The following TENM4 variants were observed in gnomAD, a reference collection of about 807,000 sequenced individuals.
TENM4 encodes teneurin transmembrane protein 4.
Under a neutral mutation model 243.3 loss-of-function variants are expected in TENM4, and 82 were observed. The ratio of observed to expected loss-of-function variants is 0.34; its 90% CI spans 0.28 to 0.40. TENM4 has a LOEUF of 0.40. TENM4 is among the 10% of genes least tolerant of loss of function. TENM4 has a pLI of 1.00. For missense variants in TENM4, 3,138 were observed against 3,673.3 expected, an observed-to-expected ratio of 0.85 and a Z score of 3.77; for synonymous variants, 1,412 against 1,456.3, an observed-to-expected ratio of 0.97 and a Z score of 0.69.
intron 1 of TENM4, among the ~76,000 whole-genome samples, chr11:79,359,184 T>C (rs1252164372): frequency 6.6e-6 from 1 of 152,140 alleles, no homozygotes; most frequent in Admixed American, 6.5e-5. Flanking sequence ...GAGGATTCTT[T>C]GAACTTAGGA....
At chr11:78,806,526 G>A (rs1258372530) in intron 14 of TENM4, among the ~76,000 whole-genome samples, 1 of 152,150 alleles carries the variant, frequency 6.6e-6, no homozygotes, top group Non-Finnish European at 1.5e-5. Flanking sequence ...TATCTGCTCT[G>A]TGCTTACATG....
intron 1 of TENM4, among the ~76,000 whole-genome samples, chr11:79,428,332 A>G (rs1423398872): frequency 1.3e-5 from 2 of 152,246 alleles, no homozygotes; most frequent in African/African-American, 4.8e-5. Flanking sequence ...TCAACCAAAA[A>G]TTTATTGTCT....
chr11:78,805,443 G>C lies in TENM4; in HGVS notation c.2028C>G (p.Gly676=). The change falls in exon 15 of 34, where the codon GGC becomes GGG. Residue 676 remains glycine (G), a synonymous_variant. Coordinates refer to ENST00000278550, the MANE Select transcript of TENM4 (RefSeq NM_001098816.3). ...TCSGRGVCVR[G]ECHCSVGWGG... ...CCCATCCCACAGAGCAGTGGCATTCGCCTCTCACGCAGACACCCCGGCCTG... is the reference window on the plus strand; with the variant it reads ...CCCATCCCACAGAGCAGTGGCATTCCCCTCTCACGCAGACACCCCGGCCTG... The C allele has an allele frequency of 6.3e-7, 1 of 1,597,722 alleles. No individual in the cohort carries two copies. Among genetic ancestry groups the C allele is most frequent in the Non-Finnish European group, 8.5e-7 (1 of 1,171,968 alleles).
chr11:79,085,216 C>CA (rs201169498), intron 4 of TENM4, among the ~76,000 whole-genome samples: 1,726 of 143,946 alleles, frequency 0.012, 30 homozygotes, highest in African/African-American at 0.039. Context: ...ACTAAAAATA[C>CA]AAAAAAAAAA....
At chr11:78,754,297 T>G (rs1856255348) in intron 19 of TENM4, among the ~76,000 whole-genome samples, 1 of 152,176 alleles carries the variant, frequency 6.6e-6, no homozygotes, top group African/African-American at 2.4e-5. Context: ...CAGCACAGGC[T>G]TCTCAAACTC....
intron 4 of TENM4, among the ~76,000 whole-genome samples, chr11:79,104,313 A>G (rs1043448061): frequency 6.6e-6 from 1 of 152,242 alleles, no homozygotes; most frequent in African/African-American, 2.4e-5. Context: ...TACAGAAAAG[A>G]ATAAAGAAAA....
intron 15 of TENM4, among the ~76,000 whole-genome samples, chr11:78,795,581 TA>T (rs1857144099): frequency 6.6e-6 from 1 of 152,168 alleles, no homozygotes; most frequent in Non-Finnish European, 1.5e-5. Context: ...CAGATAGGCC[TA>T]GGGGCTGAGG....
intron 30 of TENM4, among the ~76,000 whole-genome samples, chr11:78,674,537 T>C (rs1858415652): frequency 6.6e-6 from 1 of 152,200 alleles, no homozygotes; most frequent in African/African-American, 2.4e-5. Context: ...TCATCTTGTT[T>C]CTGCAGAGGC....
intron 21 of TENM4, 112 bp from the exon 22 acceptor site, chr11:78,729,755 A>G: frequency 1.4e-6 from 2 of 1,389,894 alleles, no homozygotes; most frequent in East Asian, 4.7e-5. Context: ...GGAAAGGCAG[A>G]AGGAGAGAGG....
chr11:78,855,984 G>A lies in TENM4; in HGVS notation c.1450C>T (p.Leu484Phe). ...ALVGIYGRKG[L>F]PPSHTQFDFV... ...GTTACCTGTGTATGTGAAGGAGGGAGGCCTTTTCTGCCATAAATGCCAACC... is the reference window on the plus strand; with the variant it reads ...GTTACCTGTGTATGTGAAGGAGGGAAGCCTTTTCTGCCATAAATGCCAACC... Residue 484 changes from leucine to phenylalanine, a missense_variant, in exon 11 of 34, where the codon CTC becomes TTC. Leu to Phe is a conservative substitution (Grantham distance 22, BLOSUM62 0). Transcript: ENST00000278550. The A allele has an allele frequency of 3.9e-6, 6 of 1,551,610 alleles. No individual in the cohort carries two copies. Among genetic ancestry groups the A allele is most frequent in the Non-Finnish European group, 5.2e-6 (6 of 1,146,994 alleles).
chr11:79,158,567 T>C (rs185442673), intron 3 of TENM4, among the ~76,000 whole-genome samples: 1 of 152,312 alleles, frequency 6.6e-6, no homozygotes. Flanking sequence ...CTGTACTCAG[T>C]AAGGATTAGT....
intron 4 of TENM4, among the ~76,000 whole-genome samples, chr11:79,139,804 TAA>T (rs1491527963): frequency 5.1e-5 from 5 of 97,508 alleles, no homozygotes; most frequent in Non-Finnish European, 7.1e-5. Flanking sequence ...TATAAATATA[TAA>T]TATATATTTT....
intron 4 of TENM4, among the ~76,000 whole-genome samples, chr11:79,074,629 C>T (rs1406753719): frequency 6.6e-6 from 1 of 152,356 alleles, no homozygotes; most frequent in East Asian, 1.9e-4. Flanking sequence ...GCAGAACTGC[C>T]TGCCATTTGC....
intron 25 of TENM4, among the ~76,000 whole-genome samples, chr11:78,719,204 T>G (rs1859589969): frequency 6.6e-6 from 1 of 151,962 alleles, no homozygotes; most frequent in Admixed American, 6.6e-5. Context: ...CTTAGAGAGA[T>G]GAAGGAATTT....
intron 9 of TENM4, among the ~76,000 whole-genome samples, chr11:78,885,873 T>C (rs1052661035): frequency 5.3e-5 from 8 of 152,180 alleles, no homozygotes; most frequent in Non-Finnish European, 1.0e-4. Flanking sequence ...TGCAGTGAGC[T>C]ATGACTGTGC....
At chr11:78,658,959 C>T in intron 33 of TENM4, 143 bp from the exon 34 acceptor site, 1 of 944,632 alleles carries the variant, frequency 1.1e-6, no homozygotes, top group Non-Finnish European at 1.6e-6. Context: ...ACCACCAGAA[C>T]ATCCAGGTGG....
rs577689326 is a variant in TENM4 at position 79,367,548 on chromosome 11, T to A, written c.-320-70005A>T. On this transcript the variant is annotated intron_variant, in intron 1 of 33. Coordinates refer to ENST00000278550, the MANE Select transcript of TENM4 (RefSeq NM_001098816.3). ...TTATTGATTAGGTACAATGAAAGAA[T>A]TGCCATCATTTTGTCCATAGCTACT... Among the ~76,000 whole-genome samples, 3 of 152,336 alleles carry A rather than the reference T, an allele frequency of 2.0e-5. 1 individual carries two copies. In the South Asian group the frequency reaches 6.2e-4, roughly 32 times the overall value.
chr11:79,029,152 T>A (rs1482579880), intron 6 of TENM4, among the ~76,000 whole-genome samples: 1 of 152,194 alleles, frequency 6.6e-6, no homozygotes, highest in Non-Finnish European at 1.5e-5. Context: ...CAGAGAATAC[T>A]CTCATCGCAG....
At chr11:78,846,433 T>C (rs185715735) in intron 12 of TENM4, among the ~76,000 whole-genome samples, 2 of 152,286 alleles carry the variant, frequency 1.3e-5, no homozygotes, top group East Asian at 3.9e-4. Flanking sequence ...AACTGGCACA[T>C]GAAAGGCAAT....
Sources: allele counts gnomAD v4.1 joint callset (sites outside exome capture counted in the v4.1 genomes callset), GRCh38; gene constraint gnomAD v4.1.1; transcripts MANE v1.5; gene names NCBI Gene and HGNC (gene_info 2026-07-23, HGNC 2026-07-21).